The following F13A1 variants were observed in gnomAD, a reference collection of about 807,000 sequenced individuals.
The protein encoded by F13A1 is FSF, A subunit.
In F13A1, 47 loss-of-function variants were observed where a neutral mutation model predicts 80.1. The ratio of observed to expected loss-of-function variants is 0.59; its 90% confidence interval spans 0.46 to 0.75. The LOEUF (loss-of-function observed/expected upper bound fraction) is 0.75. Among genes scored for constraint, F13A1 ranks in the 30% least tolerant of loss-of-function variants. The pLI, the probability that F13A1 is intolerant of heterozygous loss-of-function variation, is 0.00. For synonymous variants in F13A1, 349 were observed against 344.9 expected (o/e 1.01, Z -0.13); for missense variants, 817 against 930.4 (o/e 0.88, Z 1.59).
At chr6:6,272,619 G>C (rs1757938151) in intron 3 of F13A1, among the ~76,000 whole-genome samples, 1 of 152,276 alleles carries the variant, frequency 6.6e-6, no homozygotes, top group East Asian at 1.9e-4. Context: ...ACGTAGGAGA[G>C]CCAGGGTCAC....
chr6:6,273,941 A>G (rs1208417693), intron 3 of F13A1, among the ~76,000 whole-genome samples: 2 of 152,254 alleles, frequency 1.3e-5, no homozygotes, highest in Non-Finnish European at 2.9e-5. Context: ...GAAATCATGG[A>G]TGATAGCAAC....
At chr6:6,185,349 G>T (rs1198387390) in intron 10 of F13A1, among the ~76,000 whole-genome samples, 1 of 134,958 alleles carries the variant, frequency 7.4e-6, no homozygotes, top group Non-Finnish European at 1.5e-5. Flanking sequence ...TGATCTCATT[G>T]TTCAATTCCC....
chr6:6,148,974 T>A (rs1470992573), intron 14 of F13A1, among the ~76,000 whole-genome samples: 1 of 148,420 alleles, frequency 6.7e-6, no homozygotes, highest in African/African-American at 2.6e-5. Context: ...CTACATGATT[T>A]CACTCACATG....
In F13A1 at chr6:6,211,134, T is replaced by G. The variant is rs140208386; in HGVS notation, c.1112+10899A>C. 5.5e-3 allele frequency among the ~76,000 whole-genome samples: 845 copies of G among 152,364 alleles called. 3 individuals are homozygous for G. The highest frequency in any genetic ancestry group is 0.01 in the Middle Eastern group (3 of 294). On this transcript the variant is annotated intron_variant, in intron 8 of 14. Transcript: ENST00000264870. ...GGCTGGGACCTTGGTTAAGTTACCG[T>G]GCCACTAACAGTAATTACCTTAACA... is the stretch of plus-strand genomic sequence containing the variant.
Position 6,174,728 on chromosome 6 carries a change from G to T in F13A1, c.1599C>A (p.Asp533Glu). The T allele has an allele frequency of 6.2e-7, 1 of 1,614,210 alleles. No homozygotes were observed. Among genetic ancestry groups the T allele is most frequent in the Non-Finnish European group, 8.5e-7 (1 of 1,180,038 alleles). Residue 533 changes from aspartate (D) to glutamate (E), a missense_variant, in exon 12 of 15, where the codon GAC (aspartate) becomes GAA (glutamate). Transcript: ENST00000264870. ...TCCGGAAGGTGATGGAGAGCTTGAA[G>T]TCTTTTCCCAGCACAGCATTTTCCA... is the stretch of plus-strand genomic sequence containing the variant. ...FEVENAVLGK[D>E]FKLSITFRNN...
At chr6:6,157,055 G>C (rs1203298571) in intron 13 of F13A1, among the ~76,000 whole-genome samples, 1 of 152,222 alleles carries the variant, frequency 6.6e-6, no homozygotes, top group Non-Finnish European at 1.5e-5. Context: ...GGGTAGGAGA[G>C]ATTCAAATGT....
chr6:6,233,899 T>A (rs751775630), intron 6 of F13A1, among the ~76,000 whole-genome samples: 8 of 151,826 alleles, frequency 5.3e-5, no homozygotes, highest in Non-Finnish European at 1.2e-4. Flanking sequence ...AATCCAACAT[T>A]GCTTTATCAT....
intron 3 of F13A1, among the ~76,000 whole-genome samples, chr6:6,277,024 G>A (rs1033978961): frequency 5.3e-5 from 8 of 152,044 alleles, no homozygotes; most frequent in African/African-American, 1.9e-4. Flanking sequence ...GATGGGATGG[G>A]AGGTGGTACA....
chr6:6,268,940 C>T (rs1757882293), intron 3 of F13A1, among the ~76,000 whole-genome samples: 1 of 151,994 alleles, frequency 6.6e-6, no homozygotes, highest in Non-Finnish European at 1.5e-5. Context: ...TCCCCCCCGC[C>T]TCAGCCTCCC....
At chr6:6,311,541 C>T (rs1182696724) in intron 2 of F13A1, among the ~76,000 whole-genome samples, 1 of 130,872 alleles carries the variant, frequency 7.6e-6, no homozygotes, top group African/African-American at 2.9e-5. Context: ...AAAGACAAAA[C>T]CCCAGCTCAT....
intron 10 of F13A1, among the ~76,000 whole-genome samples, chr6:6,185,221 C>T (rs1761057835): frequency 6.6e-6 from 1 of 151,222 alleles, no homozygotes; most frequent in Admixed American, 6.6e-5. Flanking sequence ...TGCTGGTGCG[C>T]TGCACCCACT....
chr6:6,289,481 T>C (rs1583112879), intron 3 of F13A1, among the ~76,000 whole-genome samples: 1 of 151,924 alleles, frequency 6.6e-6, no homozygotes, highest in Non-Finnish European at 1.5e-5. Flanking sequence ...CTTCTAGTTA[T>C]AGAAGTAAAC....
At chr6:6,185,719 T>A (rs1761070542) in intron 10 of F13A1, among the ~76,000 whole-genome samples, 1 of 152,164 alleles carries the variant, frequency 6.6e-6, no homozygotes, top group Non-Finnish European at 1.5e-5. Context: ...TGATTTATAG[T>A]CCTTTGGGTA....
At chr6:6,258,601 AAAG>A (rs375700047) in intron 4 of F13A1, among the ~76,000 whole-genome samples, 97 of 152,244 alleles carry the variant, frequency 6.4e-4, no homozygotes, top group African/African-American at 2.2e-3. Context: ...ATGCCATTGA[AAAG>A]AAGGTTTACT....
chr6:6,290,418 T>G (rs1332356682), intron 3 of F13A1, among the ~76,000 whole-genome samples: 1 of 152,162 alleles, frequency 6.6e-6, no homozygotes, highest in African/African-American at 2.4e-5. Flanking sequence ...CTGGAATGAG[T>G]TCTGCACCTT....
rs1310379806 is a variant in F13A1, at chr6:6,297,667, T to C, written c.319+7684A>G. 6.0e-5 allele frequency among the ~76,000 whole-genome samples: 9 copies of C among 149,564 alleles called. No homozygotes were observed. The South Asian group carries it at 1.2e-3, about 21-fold the overall frequency. Reference sequence around the variant, plus strand: ...TTCTTTATTAGTCTTGTTAGCGGTCTATCAATTTTGTTGATCCTTTCAAAA... The same window carrying C: ...TTCTTTATTAGTCTTGTTAGCGGTCCATCAATTTTGTTGATCCTTTCAAAA... On this transcript the variant is annotated intron_variant, in intron 3 of 14. Coordinates refer to ENST00000264870, the MANE Select transcript of F13A1 (RefSeq NM_000129.4).
rs1761309811 is a variant in F13A1 at position 6,197,341 on chromosome 6, G to A, written c.1113-15C>T. On this transcript the variant is annotated splice_polypyrimidine_tract_variant and intron_variant, in intron 8 of 14. Transcript: ENST00000264870. ...AGTGGTAGTTCCTTAGAAAACACAAGCCCAGAAAGGTTAAACTTCCCATCA... is the reference window on the plus strand; with the variant it reads ...AGTGGTAGTTCCTTAGAAAACACAAACCCAGAAAGGTTAAACTTCCCATCA... 9 of 1,610,824 alleles carry A rather than the reference G, an allele frequency of 5.6e-6. No homozygotes were observed. The highest frequency in any genetic ancestry group is 7.6e-6 in the Non-Finnish European group (9 of 1,177,246).
intron 8 of F13A1, among the ~76,000 whole-genome samples, chr6:6,204,664 A>G (rs1389105605): frequency 6.6e-6 from 1 of 152,224 alleles, no homozygotes; most frequent in Non-Finnish European, 1.5e-5. Flanking sequence ...GGCTTGTCTA[A>G]CAAGACATTT....
At chr6:6,204,816 A>G (rs187668369) in intron 8 of F13A1, among the ~76,000 whole-genome samples, 1 of 152,368 alleles carries the variant, frequency 6.6e-6, no homozygotes, top group Admixed American at 6.5e-5. Flanking sequence ...ACTATTTCAG[A>G]ATACAGCTAT....
Sources: allele counts gnomAD v4.1 joint callset (sites outside exome capture counted in the v4.1 genomes callset), GRCh38; gene constraint gnomAD v4.1.1; transcripts MANE v1.5; gene names NCBI Gene and HGNC (gene_info 2026-07-23, HGNC 2026-07-21).